The following GKAP1 variants were observed in gnomAD, a reference collection of about 807,000 sequenced individuals.
The protein encoded by GKAP1 is G kinase anchoring protein 1.
A neutral mutation model predicts 56.7 loss-of-function variants in GKAP1; 31 were observed. That is an observed-to-expected ratio of 0.55 (90% CI 0.41 to 0.74). The LOEUF (loss-of-function observed/expected upper bound fraction) is 0.74. Among genes scored for constraint, GKAP1 ranks in the 30% least tolerant of loss-of-function variants. The pLI, the probability that GKAP1 is intolerant of heterozygous loss-of-function variation, is 0.00. For synonymous variants in GKAP1, 151 were observed against 138.6 expected (o/e 1.09, Z -0.63); for missense variants, 364 against 402.3 (o/e 0.90, Z 0.82).
At chr9:83,791,794 CA>C (rs1207690177) in intron 4 of GKAP1, among the ~76,000 whole-genome samples, 3 of 151,820 alleles carry the variant, frequency 2.0e-5, no homozygotes, top group Admixed American at 1.3e-4. Flanking sequence ...AAAAGAGCTA[CA>C]AAAGTTGAGA....
In GKAP1 at chr9:83,817,498, C is replaced by A. The variant is rs1313830818; in HGVS notation, c.-176+19G>T. The A allele has an allele frequency of 2.6e-5, 4 of 151,296 alleles. No individual in the cohort carries two copies. The highest frequency in any genetic ancestry group is 6.6e-5 in the Admixed American group (1 of 15,208). 9.4% of individuals were successfully genotyped at this position (151,296 alleles called of 1,614,324 possible). A position where few individuals can be genotyped will look rare whatever the true frequency, so the allele number is the denominator to read the frequency against. On this transcript the variant is annotated intron_variant, in intron 1 of 12. Coordinates refer to ENST00000376371, the MANE Select transcript of GKAP1 (RefSeq NM_025211.4). ...CCGGAGCGGACACCCGCGAGGCGGG[C>A]CCGCCTCCGCGTACTCACCGGGCCT...
intron 3 of GKAP1, among the ~76,000 whole-genome samples, chr9:83,801,398 T>G (rs533917539): frequency 1.8e-3 from 271 of 149,878 alleles, no homozygotes; most frequent in African/African-American, 6.1e-3. Context: ...AAGTTTGTGT[T>G]TTTTTTTTTT....
Position 83,749,169 on chromosome 9 carries a change from C to T in GKAP1, c.841-797G>A. 3 of 151,984 alleles carry T rather than the reference C, an allele frequency of 2.0e-5. 1 individual carries two copies. Among genetic ancestry groups the T allele is most frequent in the Non-Finnish European group, 4.4e-5 (3 of 67,984 alleles). The allele number at this position is 151,984 out of a possible 1,614,324, so 9.4% of individuals were successfully genotyped here. On this transcript the variant is annotated intron_variant, in intron 9 of 12. Transcript: ENST00000376371. ...CATCCATATTTTAGGCAATTTTACC[C>T]CATGCTACCCTTATTAAACATGTCT...
intron 6 of GKAP1, among the ~76,000 whole-genome samples, chr9:83,782,077 C>T (rs1196231951): frequency 9.2e-5 from 14 of 151,842 alleles, no homozygotes; most frequent in Admixed American, 7.2e-4. Context: ...CTCCTAACCT[C>T]GTGATCCGCC....
In GKAP1 at chr9:83,780,328, T is replaced by C. The variant is rs1487847765; in HGVS notation, c.585+54A>G. 8.8e-6 allele frequency: 9 copies of C among 1,023,394 alleles called. 1 individual carries two copies. The East Asian group carries it at 1.8e-4, about 20-fold the overall frequency. The allele number at this position is 1,023,394 out of a possible 1,614,324, so 63.4% of individuals were successfully genotyped here. Reference sequence around the variant, plus strand: ...AAAGACTTACTGCTAAGTATTTAAGTATTATTCTTAAAATCATCAGTGTTT... The same window carrying C: ...AAAGACTTACTGCTAAGTATTTAAGCATTATTCTTAAAATCATCAGTGTTT... On this transcript the variant is annotated intron_variant, in intron 7 of 12. Transcript: ENST00000376371.
At chr9:83,806,815 A>T (rs1375348569) in intron 2 of GKAP1, among the ~76,000 whole-genome samples, 1 of 152,144 alleles carries the variant, frequency 6.6e-6, no homozygotes, top group Non-Finnish European at 1.5e-5. Flanking sequence ...TTAAAAATTC[A>T]CAGTCTTCCT....
At chr9:83,813,656 C>A (rs547491848) in intron 2 of GKAP1, among the ~76,000 whole-genome samples, 69 of 152,218 alleles carry the variant, frequency 4.5e-4, no homozygotes, top group Middle Eastern at 6.8e-3. Flanking sequence ...TAAATTCACA[C>A]GATAATTTTA....
intron 7 of GKAP1, among the ~76,000 whole-genome samples, chr9:83,778,045 T>C (rs1471450604): frequency 6.6e-6 from 1 of 152,030 alleles, no homozygotes; most frequent in East Asian, 1.9e-4. Flanking sequence ...AGTCAAAAAA[T>C]AACAGATACT....
At chr9:83,794,216 C>T (rs995662572) in intron 4 of GKAP1, among the ~76,000 whole-genome samples, 6 of 152,066 alleles carry the variant, frequency 3.9e-5, no homozygotes, top group African/African-American at 1.4e-4. Flanking sequence ...CTTGGTGAGA[C>T]CAGTGGCCTG....
chr9:83,789,429 T>C (rs557957219), intron 4 of GKAP1, among the ~76,000 whole-genome samples: 2 of 152,294 alleles, frequency 1.3e-5, no homozygotes, highest in East Asian at 1.9e-4. Context: ...GTGAGTGGGT[T>C]TGCAGCTGTA....
intron 4 of GKAP1, among the ~76,000 whole-genome samples, chr9:83,793,422 A>C (rs1302640196): frequency 2.6e-5 from 4 of 152,226 alleles, no homozygotes; most frequent in African/African-American, 9.6e-5. Flanking sequence ...CAGAAATCTT[A>C]CAGTAGTCTT....
chr9:83,792,662 A>G (rs965746158), intron 4 of GKAP1, among the ~76,000 whole-genome samples: 2 of 152,198 alleles, frequency 1.3e-5, no homozygotes, highest in East Asian at 1.9e-4. Context: ...TTCTCTAAAC[A>G]TATCTTTATT....
intron 8 of GKAP1, among the ~76,000 whole-genome samples, chr9:83,760,548 G>A (rs188674157): frequency 6.6e-6 from 1 of 152,124 alleles, no homozygotes; most frequent in South Asian, 2.1e-4. Context: ...CTTTTCATCT[G>A]ACAGCTGCAG....
intron 7 of GKAP1, among the ~76,000 whole-genome samples, chr9:83,773,607 A>G (rs562517676): frequency 6.6e-6 from 1 of 152,260 alleles, no homozygotes; most frequent in South Asian, 2.1e-4. Context: ...GCCCATCTAT[A>G]TACTCTTCCC....
intron 7 of GKAP1, among the ~76,000 whole-genome samples, chr9:83,774,972 G>A (rs2131276832): frequency 6.6e-6 from 1 of 150,792 alleles, no homozygotes; most frequent in Admixed American, 6.6e-5. Context: ...TTCCCAAAGT[G>A]CTGGGATTAC....
chr9:83,751,555 T>C (rs949124557), intron 9 of GKAP1, among the ~76,000 whole-genome samples: 1 of 152,096 alleles, frequency 6.6e-6, no homozygotes, highest in African/African-American at 2.4e-5. Flanking sequence ...TTAGTAGGGA[T>C]GATTCTTAAA....
At chr9:83,767,774 C>G (rs1240534267) in intron 8 of GKAP1, among the ~76,000 whole-genome samples, 1 of 152,150 alleles carries the variant, frequency 6.6e-6, no homozygotes, top group Non-Finnish European at 1.5e-5. Context: ...TGCAACCCCA[C>G]CTCCTGGGTT....
intron 8 of GKAP1, among the ~76,000 whole-genome samples, chr9:83,762,584 C>A (rs1311319967): frequency 6.6e-6 from 1 of 152,026 alleles, no homozygotes; most frequent in Non-Finnish European, 1.5e-5. Flanking sequence ...AAAAGACACA[C>A]TAGCCAAAGA....
chr9:83,800,500 C>T (rs564931466), intron 3 of GKAP1, among the ~76,000 whole-genome samples: 1 of 152,094 alleles, frequency 6.6e-6, no homozygotes, highest in South Asian at 2.1e-4. Context: ...CGCCCAGATA[C>T]TTTTTCTATT....
Sources: gnomAD v4.1 joint callset for allele counts (sites outside exome capture counted in the v4.1 genomes callset) on GRCh38, gnomAD v4.1.1 for gene constraint, MANE v1.5 for transcripts, NCBI Gene and HGNC (gene_info 2026-07-23, HGNC 2026-07-21) for gene names.